The following PACS1 variants were observed in gnomAD, a reference collection of about 807,000 sequenced individuals.
PACS1 encodes the protein phosphofurin acidic cluster sorting protein 1.
PACS1 carries 24 observed loss-of-function variants against 115.0 expected under a neutral mutation model. That is an observed-to-expected ratio of 0.21 (90% CI 0.15 to 0.29). The LOEUF (loss-of-function observed/expected upper bound fraction) is 0.29. Among genes scored for constraint, PACS1 ranks in the 10% least tolerant of loss-of-function variants. The probability of loss-of-function intolerance (pLI) is 1.00; values close to 1 mark genes in which losing one functional copy is unlikely to be tolerated. For missense variants in PACS1, 838 were observed against 1,251.2 expected, an observed-to-expected ratio of 0.67 and a Z score of 4.98; for synonymous variants, 453 against 504.5, an observed-to-expected ratio of 0.90 and a Z score of 1.37.
At chr11:66,137,022 G>T (rs77821550) in intron 1 of PACS1, among the ~76,000 whole-genome samples, 1 of 132,226 alleles carries the variant, frequency 7.6e-6, no homozygotes, top group Admixed American at 7.9e-5. Context: ...GTCACAAATT[G>T]CCCCCCCCCC....
chr11:66,176,204 A>G (rs1859856832), intron 1 of PACS1, among the ~76,000 whole-genome samples: 1 of 152,166 alleles, frequency 6.6e-6, no homozygotes, highest in African/African-American at 2.4e-5. Context: ...ATAGTACCCA[A>G]TAGGTAGTGT....
intron 1 of PACS1, among the ~76,000 whole-genome samples, chr11:66,119,411 A>G (rs150047791): frequency 3.3e-5 from 5 of 152,356 alleles, no homozygotes; most frequent in African/African-American, 1.2e-4. Context: ...CAGAGACCTT[A>G]TGGCCTGCTA....
chr11:66,170,295 TA>T (rs1330558249), intron 1 of PACS1, among the ~76,000 whole-genome samples: 1 of 150,628 alleles, frequency 6.6e-6, no homozygotes, highest in Non-Finnish European at 1.5e-5. Context: ...GCTGTCCCTT[TA>T]TTTTTTACTT....
At position 66,154,167 on chromosome 11, in the gene PACS1, T is replaced by G. The variant is rs74216959; in HGVS notation, c.357-39319T>G. ...CTTCAAAATACTGAACCAGGTGCAG[T>G]GGCTCACGTCAGTAATCCCAGTGCT... On this transcript the variant is annotated intron_variant, in intron 1 of 23. Transcript: ENST00000320580. 8.3e-3 allele frequency among the ~76,000 whole-genome samples: 1,271 copies of G among 152,318 alleles called. 88 individuals are homozygous for G. The East Asian group carries it at 0.17, about 21-fold the overall frequency.
At chr11:66,241,365 AGG>A in intron 21 of PACS1, 60 bp from the exon 22 acceptor site, 5 of 1,291,572 alleles carry the variant, frequency 3.9e-6, no homozygotes, top group Non-Finnish European at 5.4e-6. Context: ...CTACCCCATC[AGG>A]CCTATGTAGT....
chr11:66,120,815 C>G (rs7928507), intron 1 of PACS1, among the ~76,000 whole-genome samples: 4,248 of 152,276 alleles, frequency 0.028, 207 homozygotes, highest in African/African-American at 0.096. Context: ...GGACACATAC[C>G]TATCCTCTGT....
At chr11:66,231,391 T>G (rs1855590331) in intron 13 of PACS1, among the ~76,000 whole-genome samples, 1 of 152,158 alleles carries the variant, frequency 6.6e-6, no homozygotes, top group Admixed American at 6.5e-5. Context: ...GCCAACAATA[T>G]TAAACTGTTT....
At chr11:66,072,965 C>T (rs901863055) in intron 1 of PACS1, among the ~76,000 whole-genome samples, 2 of 152,224 alleles carry the variant, frequency 1.3e-5, no homozygotes, top group Middle Eastern at 3.2e-3. Flanking sequence ...AATTATTAGC[C>T]TAAGAAACAG....
chr11:66,072,517 C>T (rs1255411433), intron 1 of PACS1, among the ~76,000 whole-genome samples: 1 of 152,064 alleles, frequency 6.6e-6, no homozygotes, highest in Non-Finnish European at 1.5e-5. Context: ...AACAGATTTA[C>T]ACATTGTTTT....
chr11:66,161,787 T>A (rs764371190), intron 1 of PACS1, among the ~76,000 whole-genome samples: 155 of 152,308 alleles, frequency 1.0e-3, no homozygotes, highest in Non-Finnish European at 1.5e-3. Flanking sequence ...TTACTCTGAT[T>A]TGCAAAACAG....
At chr11:66,232,350 C>T in intron 14 of PACS1, 74 bp downstream of exon 14, 1 of 854,950 alleles carries the variant, frequency 1.2e-6, no homozygotes, top group African/African-American at 1.7e-5. Flanking sequence ...TCAGTGTGGC[C>T]TCCATACTAT....
At chr11:66,215,918 A>T (rs1025717364) in intron 4 of PACS1, among the ~76,000 whole-genome samples, 11 of 142,164 alleles carry the variant, frequency 7.7e-5, no homozygotes, top group African/African-American at 2.6e-4. Context: ...TAATAATAAT[A>T]ATAATAATAA....
At chr11:66,146,475 A>C (rs1859126814) in intron 1 of PACS1, among the ~76,000 whole-genome samples, 1 of 152,198 alleles carries the variant, frequency 6.6e-6, no homozygotes. Flanking sequence ...AGAATCAGTG[A>C]ACTTAAAGAT....
intron 1 of PACS1, among the ~76,000 whole-genome samples, chr11:66,182,946 A>G (rs1229085734): frequency 6.6e-6 from 1 of 152,204 alleles, no homozygotes; most frequent in African/African-American, 2.4e-5. Flanking sequence ...CCTGGGCAAC[A>G]TGGTGAAACC....
At chr11:66,076,999 C>T (rs1026721536) in intron 1 of PACS1, among the ~76,000 whole-genome samples, 24 of 152,094 alleles carry the variant, frequency 1.6e-4, no homozygotes, top group African/African-American at 5.8e-4. Context: ...TCTTTGTGGA[C>T]CTAGATAGAG....
intron 1 of PACS1, among the ~76,000 whole-genome samples, chr11:66,108,189 C>T (rs1257224808): frequency 6.6e-6 from 1 of 152,110 alleles, no homozygotes; most frequent in Non-Finnish European, 1.5e-5. Flanking sequence ...ATTAAGGTGC[C>T]AGTAGGGGTT....
At chr11:66,199,283 C>T (rs1305197261) in intron 2 of PACS1, among the ~76,000 whole-genome samples, 1 of 150,660 alleles carries the variant, frequency 6.6e-6, no homozygotes, top group Non-Finnish European at 1.5e-5. Flanking sequence ...CCACTGCACT[C>T]CAGCCTGGGC....
At position 66,139,083 on chromosome 11, in the gene PACS1, G is replaced by A. The variant is rs1357287966; in HGVS notation, c.357-54403G>A. 2.6e-5 allele frequency among the ~76,000 whole-genome samples: 4 copies of A among 152,126 alleles called. No individual in the cohort carries two copies. The East Asian group carries it at 7.7e-4, about 29-fold the overall frequency. ...TTCTGACTTTTAGGATTAATTTACA[G>A]CCTGTTATGAAACCAGTGCTTGCAA... On this transcript the variant is annotated intron_variant, in intron 1 of 23. Coordinates refer to ENST00000320580, the MANE Select transcript of PACS1 (RefSeq NM_018026.4).
chr11:66,235,352 C>A lies in PACS1; in HGVS notation c.2156C>A (p.Thr719Lys). The A allele has an allele frequency of 6.2e-7, 1 of 1,614,040 alleles. No homozygotes were observed. The highest frequency in any genetic ancestry group is 1.1e-5 in the South Asian group (1 of 91,066). The change falls in exon 18 of 24, where the codon ACG becomes AAG. Residue 719 changes from threonine (T) to lysine (K), a missense_variant. Thr to Lys is a moderately conservative substitution (Grantham distance 78). Around this residue, in one of 6 missense-constraint regions of PACS1, gnomAD observed 383 missense variants for 537.0 expected, o/e 0.71. Transcript: ENST00000320580. This position sits in a 1 kb window ranked among gnomAD's most constrained non-coding sequence, Gnocchi z 5.6. ...ATGCAGTACGTCAACGGGGCAGCCACGACACACCAGCTTCCCGTGGCCGAA... is the reference window on the plus strand; with the variant it reads ...ATGCAGTACGTCAACGGGGCAGCCAAGACACACCAGCTTCCCGTGGCCGAA... ...RVMQYVNGAA[T>K]THQLPVAEAM...
Sources: gnomAD v4.1 joint callset for allele counts (sites outside exome capture counted in the v4.1 genomes callset) on GRCh38, gnomAD v4.1.1 for gene constraint, gnomAD v4.1.1 regional missense constraint, Gnocchi (gnomAD v3.1) non-coding constraint, MANE v1.5 for transcripts, NCBI Gene and HGNC (gene_info 2026-07-23, HGNC 2026-07-21) for gene names.